The following GRM7 variants were observed in gnomAD, a reference collection of about 807,000 sequenced individuals.
The protein encoded by GRM7 is glutamate metabotropic receptor 7, also known as metabotropic glutamate receptor 7.
GRM7 carries 35 observed loss-of-function variants against 84.5 expected under a neutral mutation model. The ratio of observed to expected loss-of-function variants is 0.41; its 90% CI spans 0.32 to 0.55. GRM7 has a LOEUF of 0.55. Ranked by LOEUF, GRM7 falls within the 20% of genes least tolerant of loss-of-function variation. The probability of loss-of-function intolerance (pLI) is 0.19; values close to 1 mark genes in which losing one functional copy is unlikely to be tolerated. For synonymous variants in GRM7, 487 were observed against 455.1 expected, an observed-to-expected ratio of 1.07 and a Z score of -0.89; for missense variants, 1,003 against 1,194.6, an observed-to-expected ratio of 0.84 and a Z score of 2.36.
chr3:6,949,701 C>A (rs369384554), intron 1 of GRM7, among the ~76,000 whole-genome samples: 1 of 152,204 alleles, frequency 6.6e-6, no homozygotes, highest in Middle Eastern at 3.4e-3. Context: ...ACCAATCAGA[C>A]GTAGATTTGG....
chr3:7,670,815 C>T (rs1429046572), intron 8 of GRM7, among the ~76,000 whole-genome samples: 1 of 152,146 alleles, frequency 6.6e-6, no homozygotes, highest in Non-Finnish European at 1.5e-5. Flanking sequence ...ACAGCATTTT[C>T]ACATTATAAG....
intron 1 of GRM7, among the ~76,000 whole-genome samples, chr3:6,933,093 G>A (rs4684546): frequency 6.6e-6 from 1 of 152,086 alleles, no homozygotes; most frequent in Admixed American, 6.5e-5. Flanking sequence ...GAGAGGGAGG[G>A]ATGAATGAAG....
intron 9 of GRM7, among the ~76,000 whole-genome samples, chr3:7,731,550 T>C (rs1045292053): frequency 2.6e-5 from 4 of 152,168 alleles, no homozygotes; most frequent in Non-Finnish European, 5.9e-5. Flanking sequence ...AGGCTACAAT[T>C]TAAATGATAA....
chr3:7,482,240 G>C (rs752033591), intron 7 of GRM7, among the ~76,000 whole-genome samples: 7 of 152,052 alleles, frequency 4.6e-5, no homozygotes, highest in Non-Finnish European at 7.4e-5. Context: ...TCACACCATG[G>C]CAGGCAAGTC....
intron 7 of GRM7, among the ~76,000 whole-genome samples, chr3:7,575,708 T>C (rs1227635127): frequency 2.0e-5 from 3 of 152,210 alleles, no homozygotes; most frequent in African/African-American, 7.2e-5. Context: ...TAGACTTCTG[T>C]CCATCTGGAG....
At chr3:7,646,347 A>G (rs1380800544) in intron 8 of GRM7, among the ~76,000 whole-genome samples, 1 of 152,106 alleles carries the variant, frequency 6.6e-6, no homozygotes, top group Non-Finnish European at 1.5e-5. Context: ...GCATGCCACC[A>G]CACTCGGCTA....
chr3:6,942,135 T>G (rs1697914793), intron 1 of GRM7, among the ~76,000 whole-genome samples: 1 of 144,810 alleles, frequency 6.9e-6, no homozygotes, highest in Non-Finnish European at 1.5e-5. Flanking sequence ...TTGAATGTAT[T>G]TTCAGCTCTT....
At chr3:7,675,924 A>G (rs1700103689) in intron 8 of GRM7, among the ~76,000 whole-genome samples, 2 of 152,188 alleles carry the variant, frequency 1.3e-5, no homozygotes, top group Non-Finnish European at 2.9e-5. Flanking sequence ...GGTACAAACT[A>G]TTATGATTTT....
intron 2 of GRM7, among the ~76,000 whole-genome samples, chr3:7,237,210 C>T (rs111506315): frequency 2.0e-3 from 298 of 152,230 alleles, no homozygotes; most frequent in African/African-American, 6.5e-3. Flanking sequence ...ATATTCTTTA[C>T]CTTTTTCCAT....
intron 1 of GRM7, among the ~76,000 whole-genome samples, chr3:7,058,584 G>A (rs1040026645): frequency 6.6e-6 from 1 of 151,804 alleles, no homozygotes; most frequent in Non-Finnish European, 1.5e-5. Context: ...ATTTATATTT[G>A]TTAGAAATGC....
chr3:7,703,370 G>A (rs1701288796), intron 9 of GRM7, among the ~76,000 whole-genome samples: 1 of 152,086 alleles, frequency 6.6e-6, no homozygotes, highest in Admixed American at 6.6e-5. Context: ...TCTTAAGAAA[G>A]ACAAGGGTCC....
intron 2 of GRM7, among the ~76,000 whole-genome samples, chr3:7,215,644 G>A (rs1187107341): frequency 2.0e-5 from 3 of 151,622 alleles, no homozygotes; most frequent in African/African-American, 4.8e-5. Flanking sequence ...CAGCCTGGGC[G>A]ACAGAGCGAG....
chr3:7,332,595 A>T (rs747066737), intron 4 of GRM7, among the ~76,000 whole-genome samples: 2 of 152,116 alleles, frequency 1.3e-5, no homozygotes, highest in African/African-American at 2.4e-5. Flanking sequence ...TGTTTCTCTA[A>T]GGGGGAAAAT....
At chr3:6,967,341 C>T (rs1386515158) in intron 1 of GRM7, among the ~76,000 whole-genome samples, 1 of 152,088 alleles carries the variant, frequency 6.6e-6, no homozygotes, top group East Asian at 1.9e-4. Context: ...TATAGGCATG[C>T]CCCACCAAGC....
intron 8 of GRM7, among the ~76,000 whole-genome samples, chr3:7,600,145 T>A (rs1003150912): frequency 2.0e-5 from 3 of 152,128 alleles, no homozygotes; most frequent in East Asian, 1.9e-4. Context: ...AGAGGCACCA[T>A]GATTTTTATG....
intron 1 of GRM7, among the ~76,000 whole-genome samples, chr3:7,001,045 A>C (rs1426778600): frequency 6.6e-6 from 1 of 152,252 alleles, no homozygotes; most frequent in African/African-American, 2.4e-5. Flanking sequence ...TGAAAATCAT[A>C]GTCAGGGAAT....
chr3:7,102,715 C>T (rs1334296261), intron 1 of GRM7, among the ~76,000 whole-genome samples: 1 of 151,750 alleles, frequency 6.6e-6, no homozygotes, highest in Non-Finnish European at 1.5e-5. Context: ...TCCCACGGGT[C>T]ACTAAGGCTC....
intron 1 of GRM7, among the ~76,000 whole-genome samples, chr3:7,101,349 T>G (rs1484672899): frequency 2.0e-5 from 3 of 151,790 alleles, no homozygotes; most frequent in African/African-American, 7.2e-5. Flanking sequence ...TATCACATTT[T>G]GGTTATAACT....
At position 6,891,559 on chromosome 3, in the gene GRM7, C is replaced by G. The variant is rs1253716723; in HGVS notation, c.519+29652C>G. On this transcript the variant is annotated intron_variant, in intron 1 of 9. Coordinates refer to ENST00000357716, the MANE Select transcript of GRM7 (RefSeq NM_000844.4). ...TTTCTTTAGGAATGTTGAATATTGG[C>G]CCCCACTCTCTTCTGGCTTGTAGAG... Among the ~76,000 whole-genome samples, 15 of 152,264 alleles carry G rather than the reference C, an allele frequency of 9.9e-5. No homozygotes were observed. In the East Asian group the frequency reaches 2.3e-3, roughly 24 times the overall value.
Sources: allele counts gnomAD v4.1 joint callset (sites outside exome capture counted in the v4.1 genomes callset), GRCh38; gene constraint gnomAD v4.1.1; transcripts MANE v1.5; gene names NCBI Gene and HGNC (gene_info 2026-07-23, HGNC 2026-07-21).